Variants in SCFD2 observed in about 807,000 individuals in gnomAD.
The protein encoded by SCFD2 is sec1 family domain containing 2, also known as sec1 family domain-containing protein 2.
In SCFD2, 54 loss-of-function variants were observed where a neutral mutation model predicts 58.9. The ratio of observed to expected loss-of-function variants is 0.92; its 90% CI spans 0.74 to 1.15. SCFD2 has a LOEUF of 1.15. SCFD2 is among the 50% of genes most tolerant of loss of function. The pLI, the probability that SCFD2 is intolerant of heterozygous loss-of-function variation, is 0.00. For synonymous variants in SCFD2, 321 were observed against 335.9 expected, an observed-to-expected ratio of 0.96 and a Z score of 0.49; for missense variants, 805 against 836.6, an observed-to-expected ratio of 0.96 and a Z score of 0.47.
intron 6 of SCFD2, among the ~76,000 whole-genome samples, chr4:52,916,445 G>A (rs534708103): frequency 1.1e-4 from 16 of 152,288 alleles, no homozygotes; most frequent in Non-Finnish European, 8.8e-5. Context: ...ATGATGGCGC[G>A]CGCCTGTAGT....
At chr4:53,270,017 C>A (rs1024504491) in intron 4 of SCFD2, among the ~76,000 whole-genome samples, 1 of 152,004 alleles carries the variant, frequency 6.6e-6, no homozygotes, top group Non-Finnish European at 1.5e-5. Context: ...CAGAGCAAGA[C>A]CTGTCTCAAA....
intron 5 of SCFD2, among the ~76,000 whole-genome samples, chr4:53,105,866 T>A (rs6855857): frequency 0.01 from 1,591 of 151,764 alleles, 34 homozygotes; most frequent in African/African-American, 0.037. Context: ...CTCAATTGGG[T>A]CCCTGACCCC....
intron 4 of SCFD2, among the ~76,000 whole-genome samples, chr4:53,190,285 G>T (rs777208891): frequency 6.6e-6 from 1 of 152,152 alleles, no homozygotes; most frequent in African/African-American, 2.4e-5. Flanking sequence ...TGTGTTTTGT[G>T]TATGTGTCCT....
At chr4:53,227,262 AG>A (rs1729248494) in intron 4 of SCFD2, among the ~76,000 whole-genome samples, 1 of 152,236 alleles carries the variant, frequency 6.6e-6, no homozygotes, top group African/African-American at 2.4e-5. Context: ...ATGTGAGAAA[AG>A]GACATTGTAT....
At chr4:53,330,085 T>C (rs1377981097) in intron 2 of SCFD2, among the ~76,000 whole-genome samples, 2 of 151,974 alleles carry the variant, frequency 1.3e-5, no homozygotes, top group Non-Finnish European at 2.9e-5. Flanking sequence ...CCAAGAAATA[T>C]GGGACTATGT....
chr4:53,212,495 T>TAAA, intron 4 of SCFD2, among the ~76,000 whole-genome samples: 1 of 146,690 alleles, frequency 6.8e-6, no homozygotes, highest in Non-Finnish European at 1.5e-5. Context: ...ATAATAATAA[T>TAAA]AAATAATTTG....
Position 53,076,494 on chromosome 4 carries a change from G to A in SCFD2, c.1561+68839C>T, listed in dbSNP as rs532250701. 1.8e-3 allele frequency among the ~76,000 whole-genome samples: 278 copies of A among 152,058 alleles called. 1 individual carries two copies. Among genetic ancestry groups the A allele is most frequent in the Non-Finnish European group, 4.4e-4 (30 of 68,004 alleles). ...AGCCTCTGCTCCCTGGCTCTTGTCA[G>A]ACTCATTCCCAAGCCACTCCGGGGC... On this transcript the variant is annotated intron_variant, in intron 5 of 8. Coordinates refer to ENST00000401642, the MANE Select transcript of SCFD2 (RefSeq NM_152540.4).
At chr4:53,237,634 G>A (rs1368688917) in intron 4 of SCFD2, among the ~76,000 whole-genome samples, 46 of 119,362 alleles carry the variant, frequency 3.9e-4, no homozygotes, top group Admixed American at 4.8e-4. Context: ...GCGGCTGGCC[G>A]GGCGGGGGGC....
chr4:53,155,984 G>A lies in SCFD2; in HGVS notation c.1312-10402C>T, dbSNP rs114187853. Among the ~76,000 whole-genome samples, 506 of 152,306 alleles carry A rather than the reference G, an allele frequency of 3.3e-3. 2 individuals are homozygous for A. The highest frequency in any genetic ancestry group is 9.0e-3 in the African/African-American group (375 of 41,550). ...ATTTGCAGGTAACAACACAGATAAA[G>A]GCAGCGGCTCCAAACTAATAGTCGC... On this transcript the variant is annotated intron_variant, in intron 4 of 8. Coordinates refer to ENST00000401642, the MANE Select transcript of SCFD2 (RefSeq NM_152540.4).
intron 5 of SCFD2, among the ~76,000 whole-genome samples, chr4:52,970,338 C>A (rs1721066509): frequency 6.6e-6 from 1 of 152,244 alleles, no homozygotes; most frequent in Non-Finnish European, 1.5e-5. Flanking sequence ...ACTTTTCCTA[C>A]AGTCTTAGCA....
chr4:52,930,276 T>C (rs1168753515), intron 5 of SCFD2, among the ~76,000 whole-genome samples: 2 of 152,156 alleles, frequency 1.3e-5, no homozygotes, highest in Non-Finnish European at 1.5e-5. Flanking sequence ...CCCTATTTAA[T>C]AAGTGGTGCT....
At chr4:53,163,423 A>C (rs1337287489) in intron 4 of SCFD2, among the ~76,000 whole-genome samples, 1 of 152,176 alleles carries the variant, frequency 6.6e-6, no homozygotes, top group Non-Finnish European at 1.5e-5. Flanking sequence ...GGATGGCTGC[A>C]TTTAAAAAGA....
At chr4:53,137,674 C>G (rs748866285) in intron 5 of SCFD2, among the ~76,000 whole-genome samples, 18 of 152,042 alleles carry the variant, frequency 1.2e-4, no homozygotes, top group South Asian at 6.2e-4. Context: ...CAGATCTAGC[C>G]CTTGTTGACC....
intron 5 of SCFD2, among the ~76,000 whole-genome samples, chr4:53,120,923 G>T (rs997787807): frequency 6.6e-6 from 1 of 152,148 alleles, no homozygotes; most frequent in South Asian, 2.1e-4. Flanking sequence ...GCCCTGTAAG[G>T]TCTCTTCTTC....
chr4:53,144,047 T>C (rs1451581194), intron 5 of SCFD2, among the ~76,000 whole-genome samples: 4 of 152,190 alleles, frequency 2.6e-5, no homozygotes, highest in Admixed American at 6.5e-5. Context: ...GATTTTATGA[T>C]GTTTAATCAT....
At chr4:53,176,589 G>T (rs1727337246) in intron 4 of SCFD2, among the ~76,000 whole-genome samples, 1 of 152,212 alleles carries the variant, frequency 6.6e-6, no homozygotes, top group African/African-American at 2.4e-5. Context: ...GCAGCTGAGA[G>T]AAAAAGCCTT....
intron 4 of SCFD2, among the ~76,000 whole-genome samples, chr4:53,146,910 T>G (rs1364770995): frequency 1.3e-5 from 2 of 152,226 alleles, no homozygotes; most frequent in African/African-American, 4.8e-5. Context: ...GATTCAGGAC[T>G]ATGGATAGTT....
At chr4:53,183,360 G>T (rs1385526184) in intron 4 of SCFD2, among the ~76,000 whole-genome samples, 1 of 152,138 alleles carries the variant, frequency 6.6e-6, no homozygotes, top group East Asian at 1.9e-4. Flanking sequence ...TAGGGACATG[G>T]ATGAAGCTGG....
At chr4:52,964,605 G>A (rs1161076719) in intron 5 of SCFD2, among the ~76,000 whole-genome samples, 1 of 151,942 alleles carries the variant, frequency 6.6e-6, no homozygotes, top group Non-Finnish European at 1.5e-5. Context: ...AAACAAAGTG[G>A]GTTTGCAATG....
Sources: gnomAD v4.1 joint callset for allele counts (sites outside exome capture counted in the v4.1 genomes callset) on GRCh38, gnomAD v4.1.1 for gene constraint, MANE v1.5 for transcripts, NCBI Gene and HGNC (gene_info 2026-07-23, HGNC 2026-07-21) for gene names.